Variants in TNPO3 observed in about 807,000 individuals in gnomAD.
TNPO3 encodes the protein transportin-3.
In TNPO3, 65 loss-of-function variants were observed where a neutral mutation model predicts 122.8. The observed-to-expected ratio is 0.53, with a 90% CI of 0.43 to 0.65. The LOEUF (loss-of-function observed/expected upper bound fraction) is 0.65. TNPO3 is among the 30% of genes least tolerant of loss of function. The pLI, the probability that TNPO3 is intolerant of heterozygous loss-of-function variation, is 0.00. For missense variants in TNPO3, 850 were observed against 1,136.7 expected (o/e 0.75, Z 3.63); for synonymous variants, 372 against 411.2 (o/e 0.90, Z 1.15).
chr7:128,988,623 C>T (rs1435362040), intron 11 of TNPO3, among the ~76,000 whole-genome samples: 1 of 152,006 alleles, frequency 6.6e-6, no homozygotes, highest in African/African-American at 2.4e-5. Context: ...TGCAAGTCAA[C>T]CTAGATTTGC....
Position 129,001,142 on chromosome 7 carries a change from C to T in TNPO3, c.789G>A (p.Leu263=), listed in dbSNP as rs765394864. ...CCTGAAAAAGTTGCATGGCTAATGG[C>T]AAGTTAGTCTCCACATTCTCAATGG... is the stretch of plus-strand genomic sequence containing the variant. The part of the protein sequence containing the change: ...LYAIENVETN[L]PLAMQLFQGV... Residue 263 remains leucine (L), a synonymous_variant, in exon 6 of 23, where the codon TTG becomes TTA. Coordinates refer to ENST00000265388, the MANE Select transcript of TNPO3 (RefSeq NM_012470.4). The T allele has an allele frequency of 3.1e-6, 5 of 1,613,984 alleles. No individual in the cohort carries two copies.
At position 129,038,419 on chromosome 7, in the gene TNPO3, T is replaced by C. The variant is rs146128279; in HGVS notation, c.120+16232A>G. Among the ~76,000 whole-genome samples, 39 of 152,350 alleles carry C rather than the reference T, an allele frequency of 2.6e-4. No homozygotes were observed. The East Asian group carries it at 7.5e-3, about 29-fold the overall frequency. On this transcript the variant is annotated intron_variant, in intron 1 of 22. Coordinates refer to ENST00000265388, the MANE Select transcript of TNPO3 (RefSeq NM_012470.4). Reference sequence around the variant, plus strand: ...AGTTCAGCCATTGTGGAAAGCAATGTGGCGATTCCTTGAAGAGCTAAAAAC... The same window carrying C: ...AGTTCAGCCATTGTGGAAAGCAATGCGGCGATTCCTTGAAGAGCTAAAAAC...
At chr7:129,019,584 C>T (rs1804229654) in intron 1 of TNPO3, among the ~76,000 whole-genome samples, 1 of 152,294 alleles carries the variant, frequency 6.6e-6, no homozygotes, top group South Asian at 2.1e-4. Flanking sequence ...GCGTGTGGCT[C>T]ATACCTATAA....
chr7:129,014,711 T>A (rs1403238988), intron 4 of TNPO3, among the ~76,000 whole-genome samples: 1 of 152,184 alleles, frequency 6.6e-6, no homozygotes, highest in Admixed American at 6.5e-5. Context: ...GAGATGGCCT[T>A]AGTTCCAATT....
In TNPO3 at chr7:129,015,119, T is replaced by C. The variant is rs772589914; in HGVS notation, c.412A>G (p.Thr138Ala). ...ATCTCCAGCAAAAAAGGCAAAGAAG[T>C]CACATCATTGCTGTATCTGCAAAAG... ...TLVEKYSNDV[T>A]SLPFLLEILT... is the part of the protein sequence containing the mutation. Residue 138 changes from threonine to alanine, a missense_variant, in exon 4 of 23, where the codon ACT (threonine) becomes GCT (alanine). Transcript: ENST00000265388. The C allele has an allele frequency of 1.2e-6, 2 of 1,610,798 alleles. No individual in the cohort carries two copies. The highest frequency in any genetic ancestry group is 4.5e-5 in the East Asian group (2 of 44,826).
chr7:128,984,386 T>C (rs576061573), intron 12 of TNPO3, 127 bp from the exon 13 acceptor site: 12 of 536,286 alleles, frequency 2.2e-5, no homozygotes, highest in African/African-American at 1.1e-4. Context: ...AAGATCAGCA[T>C]TGTTTTTTAA....
chr7:128,990,295 G>A (rs1800620192), intron 10 of TNPO3, 195 bp from the exon 11 acceptor site: 2 of 682,178 alleles, frequency 2.9e-6, no homozygotes, highest in Admixed American at 2.4e-5. Flanking sequence ...GAAAGATATT[G>A]TTTCAGGAAA....
Position 128,960,584 on chromosome 7 carries a change from ATAAAG to A in TNPO3, c.2712-3274_2712-3270del, listed in dbSNP as rs908415256. On this transcript the variant is annotated intron_variant, in intron 21 of 22. Transcript: ENST00000265388. Reference sequence around the variant, plus strand: ...AAAGTTTAAAAGCTAAAAAAAAAAAATAAAGTAATTTTAAGAATAGAAAAAAGCTT... The same window carrying A: ...AAAGTTTAAAAGCTAAAAAAAAAAAATAATTTTAAGAATAGAAAAAAGCTT... 2.9e-4 allele frequency among the ~76,000 whole-genome samples: 44 copies of A among 151,860 alleles called. 1 individual carries two copies. The highest frequency in any genetic ancestry group is 2.6e-3 in the Admixed American group (39 of 15,278).
At chr7:129,015,283 C>T (rs1487791376) in intron 3 of TNPO3, 148 bp from the exon 4 acceptor site, 3 of 739,312 alleles carry the variant, frequency 4.1e-6, no homozygotes, top group Non-Finnish European at 6.4e-6. Context: ...CATAAATGTC[C>T]TCCATAATTA....
intron 1 of TNPO3, among the ~76,000 whole-genome samples, chr7:129,045,159 T>C (rs1486599330): frequency 1.3e-5 from 2 of 152,154 alleles, no homozygotes; most frequent in Admixed American, 6.5e-5. Context: ...GTCACATTCA[T>C]AGAGACAGAA....
At chr7:129,008,820 T>C (rs1019900019) in intron 4 of TNPO3, among the ~76,000 whole-genome samples, 2 of 152,222 alleles carry the variant, frequency 1.3e-5, no homozygotes, top group African/African-American at 4.8e-5. Flanking sequence ...ACTTGGCCTT[T>C]AGACTTCCTG....
intron 21 of TNPO3, among the ~76,000 whole-genome samples, chr7:128,961,479 C>T (rs1240142516): frequency 2.0e-5 from 3 of 152,138 alleles, no homozygotes; most frequent in Non-Finnish European, 2.9e-5. Flanking sequence ...TACTCCATGA[C>T]GTTTGCACAA....
intron 19 of TNPO3, chr7:128,970,593 T>C (rs1798369266): frequency 4.3e-6 from 1 of 235,182 alleles, no homozygotes; most frequent in Admixed American, 5.6e-5. Context: ...TTTCATGATT[T>C]GAAGGCAGAA....
intron 21 of TNPO3, among the ~76,000 whole-genome samples, chr7:128,961,144 G>C (rs1382628145): frequency 1.3e-5 from 2 of 152,070 alleles, no homozygotes; most frequent in African/African-American, 4.8e-5. Context: ...AAAGTCTACA[G>C]TAGTATACGG....
Position 128,955,316 on chromosome 7 carries a change from G to A in TNPO3, c.*101C>T, listed in dbSNP as rs896917757. 7 of 455,574 alleles carry A rather than the reference G, an allele frequency of 1.5e-5. No homozygotes were observed. Among genetic ancestry groups the A allele is most frequent in the Middle Eastern group, 4.2e-4 (1 of 2,376 alleles). The allele number at this position is 455,574 out of a possible 1,614,324, so 28.2% of individuals were successfully genotyped here. ...GCGGTGAAGGCCCCTCTGCCACAAC[G>A]GAGGTTTCTGATTGTGGGACACAGT... On this transcript the variant is annotated 3_prime_UTR_variant, in exon 23 of 23. Transcript: ENST00000265388.
intron 1 of TNPO3, chr7:129,029,009 G>A: frequency 2.4e-6 from 1 of 413,020 alleles, no homozygotes; most frequent in Non-Finnish European, 4.7e-6. Flanking sequence ...TGATTAGGAT[G>A]CCTTCTATGT....
chr7:129,001,280 G>T (rs376720048), intron 5 of TNPO3, 46 bp from the exon 6 acceptor site: 145 of 1,530,742 alleles, frequency 9.5e-5, no homozygotes, highest in Non-Finnish European at 1.2e-4. Context: ...TGATCACTAA[G>T]GAGTGATCTA....
chr7:129,042,987 T>C (rs1019647562), intron 1 of TNPO3, among the ~76,000 whole-genome samples: 1 of 152,082 alleles, frequency 6.6e-6, no homozygotes, highest in Non-Finnish European at 1.5e-5. Context: ...AGTTCCCTTA[T>C]AGAGGTAAGT....
rs193002593 is a variant in TNPO3, at chr7:129,000,747, G to A, written c.873-180C>T. Among the ~76,000 whole-genome samples, 39 of 152,216 alleles carry A rather than the reference G, an allele frequency of 2.6e-4. 1 individual carries two copies. The highest frequency in any genetic ancestry group is 6.3e-4 in the African/African-American group (26 of 41,526). ...CTTTACCTAGATCGTACACTCCTACGCAAGTGACTTGTCAGTTCAAATTCT... is the reference window on the plus strand; with the variant it reads ...CTTTACCTAGATCGTACACTCCTACACAAGTGACTTGTCAGTTCAAATTCT... On this transcript the variant is annotated intron_variant, in intron 6 of 22. Coordinates refer to ENST00000265388, the MANE Select transcript of TNPO3 (RefSeq NM_012470.4).
Sources: gnomAD v4.1 joint callset for allele counts (sites outside exome capture counted in the v4.1 genomes callset) on GRCh38, gnomAD v4.1.1 for gene constraint, MANE v1.5 for transcripts, NCBI Gene and HGNC (gene_info 2026-07-23, HGNC 2026-07-21) for gene names.